Variants in ITGA9 observed in about 807,000 individuals in gnomAD.
ITGA9 encodes the protein integrin alpha-9.
In ITGA9, 56 loss-of-function variants were observed where a neutral mutation model predicts 127.8. That is an observed-to-expected ratio of 0.44 (90% confidence interval 0.35 to 0.55). The LOEUF (loss-of-function observed/expected upper bound fraction) is 0.55. Ranked by LOEUF, ITGA9 falls within the 20% of genes least tolerant of loss-of-function variation. The probability of loss-of-function intolerance (pLI) is 0.00; values close to 1 mark genes in which losing one functional copy is unlikely to be tolerated. For missense variants in ITGA9, 1,196 were observed against 1,347.1 expected (o/e 0.89, Z 1.76); for synonymous variants, 508 against 514.5 (o/e 0.99, Z 0.17).
intron 22 of ITGA9, among the ~76,000 whole-genome samples, chr3:37,747,287 G>A (rs942973330): frequency 1.3e-5 from 2 of 152,052 alleles, no homozygotes; most frequent in South Asian, 2.1e-4. Context: ...CATGGTAGGT[G>A]TATATATTTA....
At chr3:37,521,417 G>A (rs369343392) in intron 11 of ITGA9, among the ~76,000 whole-genome samples, 212 of 152,204 alleles carry the variant, frequency 1.4e-3, no homozygotes, top group East Asian at 9.3e-3. Flanking sequence ...AGTTTACCAC[G>A]GAGAGTGTTT....
At chr3:37,748,319 ATGCT>A in intron 22 of ITGA9, 1 of 566,716 alleles carries the variant, frequency 1.8e-6, no homozygotes, top group South Asian at 1.5e-5. Flanking sequence ...GTTACCCAGC[ATGCT>A]GTTGGCATTG....
intron 15 of ITGA9, among the ~76,000 whole-genome samples, chr3:37,550,854 T>G (rs957601214): frequency 6.6e-6 from 1 of 152,192 alleles, no homozygotes; most frequent in African/African-American, 2.4e-5. Flanking sequence ...CTGAATATGT[T>G]GAGGGTTTTT....
chr3:37,594,646 C>T lies in ITGA9; in HGVS notation c.1690-34541C>T, dbSNP rs148617951. Among the ~76,000 whole-genome samples the T allele has an allele frequency of 2.0e-3, 312 of 152,208 alleles. 1 individual carries two copies. The highest frequency in any genetic ancestry group is 7.1e-3 in the African/African-American group (294 of 41,504). The stretch of plus-strand genomic sequence containing the variant: ...CCCTGAACTGCTCAGCCCTCAGTTT[C>T]CCGTCTGTAAATGGTGATAACAGTA... On this transcript the variant is annotated intron_variant, in intron 15 of 27. Transcript: ENST00000264741.
chr3:37,482,398 C>T (rs895207013), intron 4 of ITGA9, among the ~76,000 whole-genome samples: 3 of 152,192 alleles, frequency 2.0e-5, no homozygotes, highest in East Asian at 3.8e-4. Flanking sequence ...TTAGCCCAGT[C>T]GAATCTGAGC....
chr3:37,675,632 G>GA (rs767862329), intron 17 of ITGA9, among the ~76,000 whole-genome samples: 1 of 150,724 alleles, frequency 6.6e-6, no homozygotes, highest in Non-Finnish European at 1.5e-5. Flanking sequence ...TGGTGAGAAA[G>GA]AAAAGCACAC....
At chr3:37,524,371 T>C (rs1285092576) in intron 12 of ITGA9, among the ~76,000 whole-genome samples, 1 of 152,232 alleles carries the variant, frequency 6.6e-6, no homozygotes. Context: ...GAAATATTTC[T>C]TTCCACTAAA....
chr3:37,748,903 A>T (rs1696544073), intron 22 of ITGA9: 2 of 845,380 alleles, frequency 2.4e-6, no homozygotes, highest in Non-Finnish European at 4.1e-6. Context: ...TCATGGCATA[A>T]TAGGTGTCTA....
chr3:37,778,904 TAGTG>T (rs1696941381), intron 24 of ITGA9, among the ~76,000 whole-genome samples: 1 of 134,566 alleles, frequency 7.4e-6, no homozygotes, highest in Admixed American at 8.2e-5. Flanking sequence ...TTTACTTACA[TAGTG>T]AGGGTGATAT....
intron 11 of ITGA9, among the ~76,000 whole-genome samples, chr3:37,521,026 G>A (rs1348560066): frequency 6.6e-6 from 1 of 152,174 alleles, no homozygotes; most frequent in East Asian, 1.9e-4. Context: ...AGCGTCTTTA[G>A]TGGGAAGCAG....
rs1340406761 is a variant in ITGA9, at chr3:37,706,456, A to G, written c.2067+22441A>G. On this transcript the variant is annotated intron_variant, in intron 18 of 27. Coordinates refer to ENST00000264741, the MANE Select transcript of ITGA9 (RefSeq NM_002207.3). ...TGGTTTATTTGAGTAGCGCCCCAGA[A>G]AGTAAGAAAGAAGGAAGAAAAGGAG... Among the ~76,000 whole-genome samples the G allele has an allele frequency of 3.3e-5, 5 of 152,310 alleles. No homozygotes were observed. The South Asian group carries it at 8.3e-4, about 25-fold the overall frequency.
intron 4 of ITGA9, among the ~76,000 whole-genome samples, chr3:37,492,540 A>G (rs2125564509): frequency 6.6e-6 from 1 of 152,346 alleles, no homozygotes; most frequent in East Asian, 1.9e-4. Context: ...CACCAAGTAC[A>G]GTTTGGGGAG....
At chr3:37,588,955 C>T (rs1699786775) in intron 15 of ITGA9, among the ~76,000 whole-genome samples, 1 of 152,164 alleles carries the variant, frequency 6.6e-6, no homozygotes, top group Admixed American at 6.5e-5. Context: ...TAGTTACGTA[C>T]ACAGGCTCTG....
At chr3:37,670,638 A>G (rs1180124326) in intron 17 of ITGA9, among the ~76,000 whole-genome samples, 4 of 152,286 alleles carry the variant, frequency 2.6e-5, no homozygotes, top group East Asian at 1.9e-4. Flanking sequence ...TCAAACTACC[A>G]TTTACATTCA....
chr3:37,580,710 A>T (rs1699701590), intron 15 of ITGA9, among the ~76,000 whole-genome samples: 1 of 151,978 alleles, frequency 6.6e-6, no homozygotes, highest in African/African-American at 2.4e-5. Context: ...GTGCTCCTGT[A>T]TGGCCATTCT....
At chr3:37,772,400 T>TC (rs1317366950) in intron 23 of ITGA9, among the ~76,000 whole-genome samples, 2 of 150,240 alleles carry the variant, frequency 1.3e-5, no homozygotes, top group Non-Finnish European at 3.0e-5. Flanking sequence ...AGAGCAAGAC[T>TC]CCATCTCAAA....
intron 6 of ITGA9, 77 bp from the exon 7 acceptor site, chr3:37,505,922 AT>A: frequency 9.1e-7 from 1 of 1,094,728 alleles, no homozygotes; most frequent in Non-Finnish European, 1.4e-6. Context: ...CTTGAGAAAC[AT>A]TTTCCTCTGA....
At chr3:37,604,349 A>G (rs942627115) in intron 15 of ITGA9, among the ~76,000 whole-genome samples, 2 of 152,206 alleles carry the variant, frequency 1.3e-5, no homozygotes, top group African/African-American at 4.8e-5. Flanking sequence ...CTACCCTTCA[A>G]AATACTTTGT....
intron 15 of ITGA9, among the ~76,000 whole-genome samples, chr3:37,552,094 A>G (rs17828003): frequency 0.048 from 7,301 of 152,340 alleles, 187 homozygotes; most frequent in Non-Finnish European, 0.053. Context: ...TGTGTGTCAC[A>G]ATAAGATAGG....
Sources: allele counts gnomAD v4.1 joint callset (sites outside exome capture counted in the v4.1 genomes callset), GRCh38; gene constraint gnomAD v4.1.1; transcripts MANE v1.5; gene names NCBI Gene and HGNC (gene_info 2026-07-23, HGNC 2026-07-21).